BBS9: variants seen among roughly 807,000 people sequenced by gnomAD.
The protein encoded by BBS9 is protein PTHB1.
Under a neutral mutation model 117.7 loss-of-function variants are expected in BBS9, and 89 were observed. The observed-to-expected ratio is 0.76, with a 90% confidence interval of 0.64 to 0.90. The LOEUF is 0.90. BBS9 is among the 40% of genes least tolerant of loss of function. BBS9 has a pLI of 0.00. For synonymous variants in BBS9, 379 were observed against 370.9 expected (o/e 1.02, Z -0.25); for missense variants, 982 against 1,042.2 (o/e 0.94, Z 0.80).
chr7:33,200,740 G>T (rs937870041), intron 5 of BBS9, among the ~76,000 whole-genome samples: 5 of 151,916 alleles, frequency 3.3e-5, no homozygotes, highest in African/African-American at 1.2e-4. Context: ...ATCTCATTTT[G>T]TTCTGGAGTA....
At chr7:33,210,773 C>T (rs2110765) in intron 5 of BBS9, among the ~76,000 whole-genome samples, 108,067 of 151,952 alleles carry the variant, frequency 0.71, 38,687 homozygotes, top group Admixed American at 0.79. Flanking sequence ...TCCTCTGCCT[C>T]GGTCTCCCAA....
chr7:33,153,479 TTTC>T (rs1793658588), intron 3 of BBS9, among the ~76,000 whole-genome samples: 1 of 152,246 alleles, frequency 6.6e-6, no homozygotes, highest in Non-Finnish European at 1.5e-5. Context: ...TAAGCTTGTA[TTTC>T]TTCATCATTT....
chr7:33,266,667 G>A (rs1463671477), intron 7 of BBS9, among the ~76,000 whole-genome samples: 1 of 151,880 alleles, frequency 6.6e-6, no homozygotes, highest in Non-Finnish European at 1.5e-5. Flanking sequence ...ATTGAGAGAG[G>A]GGTATTGAAA....
intron 4 of BBS9, 49 bp from the exon 5 acceptor site, chr7:33,177,429 T>C (rs764726613): frequency 1.6e-6 from 2 of 1,261,510 alleles, no homozygotes; most frequent in Admixed American, 1.7e-5. Flanking sequence ...CAAATTAATG[T>C]TTTTTAGTGT....
Position 33,273,115 on chromosome 7 carries a change from T to G in BBS9, c.806T>G (p.Phe269Cys). 1 of 1,613,742 alleles carries G rather than the reference T, an allele frequency of 6.2e-7. No individual in the cohort carries two copies. Among genetic ancestry groups the G allele is most frequent in the Non-Finnish European group, 8.5e-7 (1 of 1,179,784 alleles). The change falls in exon 8 of 23, where the codon TTT (phenylalanine) becomes TGT (cysteine). Residue 269 changes from phenylalanine to cysteine, a missense_variant. Phe to Cys is a radical substitution (Grantham distance 205). Coordinates refer to ENST00000242067, the MANE Select transcript of BBS9 (RefSeq NM_198428.3). Reference sequence around the variant, plus strand: ...TTTGTTCTTGGTGAGAGAAACTTTTTTTGCCTTAAGGATAATGGACAAATT... The same window carrying G: ...TTTGTTCTTGGTGAGAGAAACTTTTGTTGCCTTAAGGATAATGGACAAATT... ...SVFVLGERNFFCLKDNGQIRF... is the reference protein window; with the variant it reads ...SVFVLGERNFCCLKDNGQIRF...
At chr7:33,552,310 G>C (rs1488040273) in intron 21 of BBS9, among the ~76,000 whole-genome samples, 1 of 152,130 alleles carries the variant, frequency 6.6e-6, no homozygotes, top group East Asian at 1.9e-4. Flanking sequence ...TCTTCGAGTA[G>C]ATTTGAATTG....
chr7:33,569,001 A>G (rs1048159876), intron 21 of BBS9, among the ~76,000 whole-genome samples: 1 of 152,182 alleles, frequency 6.6e-6, no homozygotes, highest in Non-Finnish European at 1.5e-5. Flanking sequence ...ATTCCTAGAA[A>G]CATAGTAGTG....
chr7:33,271,773 C>T lies in BBS9; in HGVS notation c.703-1239C>T, dbSNP rs771559615. Among the ~76,000 whole-genome samples, 202 of 152,138 alleles carry T rather than the reference C, an allele frequency of 1.3e-3. 2 individuals carry two copies. Among genetic ancestry groups the T allele is most frequent in the Admixed American group, 2.4e-3 (36 of 15,272 alleles). On this transcript the variant is annotated intron_variant, in intron 7 of 22. Transcript: ENST00000242067. ...ACAATAATAGTGGGAGACTTCAACA[C>T]CCCACTGACCCTATGAGACAGATCA...
At chr7:33,488,034 T>C (rs891617820) in intron 19 of BBS9, among the ~76,000 whole-genome samples, 1 of 152,024 alleles carries the variant, frequency 6.6e-6, no homozygotes, top group Admixed American at 6.6e-5. Context: ...TCTGAAAAAA[T>C]AGAAAATCAA....
At chr7:33,440,831 A>G (rs958940104) in intron 19 of BBS9, among the ~76,000 whole-genome samples, 1 of 152,218 alleles carries the variant, frequency 6.6e-6, no homozygotes, top group Non-Finnish European at 1.5e-5. Context: ...TAGCAGTGAT[A>G]TAATTTATAA....
chr7:33,149,757 G>C (rs969520716), intron 2 of BBS9, among the ~76,000 whole-genome samples: 1 of 152,210 alleles, frequency 6.6e-6, no homozygotes, highest in Non-Finnish European at 1.5e-5. Flanking sequence ...GTGAGAGTCA[G>C]ACTTATCTGA....
chr7:33,326,867 G>A (rs1315018401), intron 9 of BBS9, among the ~76,000 whole-genome samples: 1 of 151,650 alleles, frequency 6.6e-6, no homozygotes, highest in East Asian at 2.0e-4. Flanking sequence ...ACAAGACAAA[G>A]TACTCTTTAC....
chr7:33,516,730 G>C (rs1033983280), intron 20 of BBS9, among the ~76,000 whole-genome samples: 8 of 152,104 alleles, frequency 5.3e-5, no homozygotes, highest in African/African-American at 1.9e-4. Flanking sequence ...TTTTTGAAGA[G>C]AAAGCCATGT....
At chr7:33,332,929 T>A (rs1406102717) in intron 9 of BBS9, among the ~76,000 whole-genome samples, 1 of 152,202 alleles carries the variant, frequency 6.6e-6, no homozygotes, top group Non-Finnish European at 1.5e-5. Context: ...TTCATACTGC[T>A]GTGCAATCAT....
At chr7:33,437,804 A>T (rs1035168916) in intron 19 of BBS9, among the ~76,000 whole-genome samples, 1 of 152,122 alleles carries the variant, frequency 6.6e-6, no homozygotes, top group Admixed American at 6.5e-5. Context: ...TGAACCCGGG[A>T]GGCAGAGGTT....
intron 19 of BBS9, among the ~76,000 whole-genome samples, chr7:33,497,082 G>A (rs1023108264): frequency 7.9e-5 from 12 of 152,116 alleles, no homozygotes; most frequent in African/African-American, 1.7e-4. Flanking sequence ...CTGAGAGTGC[G>A]CCTTTCCAAC....
chr7:33,473,544 G>C (rs1014677230), intron 19 of BBS9, among the ~76,000 whole-genome samples: 3 of 152,254 alleles, frequency 2.0e-5, no homozygotes, highest in African/African-American at 7.2e-5. Flanking sequence ...GGCTGGTCTC[G>C]AATTCCTGAC....
chr7:33,401,450 A>C (rs1828900820), intron 19 of BBS9, among the ~76,000 whole-genome samples: 1 of 149,514 alleles, frequency 6.7e-6, no homozygotes, highest in Non-Finnish European at 1.5e-5. Flanking sequence ...CATGTGCCTA[A>C]GGTGGTTGGG....
chr7:33,606,702 AC>A (rs1300160308), downstream of BBS9, among the ~76,000 whole-genome samples: 2 of 151,732 alleles, frequency 1.3e-5, no homozygotes, highest in Admixed American at 6.6e-5. Flanking sequence ...GTAAACTCAG[AC>A]CCCAACCCTT....
Sources: gnomAD v4.1 joint callset for allele counts (sites outside exome capture counted in the v4.1 genomes callset) on GRCh38, gnomAD v4.1.1 for gene constraint, MANE v1.5 for transcripts, NCBI Gene and HGNC (gene_info 2026-07-23, HGNC 2026-07-21) for gene names.